The following TLL1 variants were observed in gnomAD, a reference collection of about 807,000 sequenced individuals.
TLL1 encodes the protein tolloid-like protein 1.
In TLL1, 49 loss-of-function variants were observed where a neutral mutation model predicts 128.2. The ratio of observed to expected loss-of-function variants is 0.38; its 90% CI spans 0.30 to 0.48. TLL1 has a LOEUF of 0.48. TLL1 is among the 20% of genes least tolerant of loss of function. TLL1 has a pLI of 0.96. For synonymous variants in TLL1, 454 were observed against 418.8 expected (o/e 1.08, Z -1.03); for missense variants, 1,123 against 1,242.0 (o/e 0.90, Z 1.44).
rs370095060 is a variant in TLL1 at position 166,093,392 on chromosome 4, G to A, written c.2656+2051G>A. Among the ~76,000 whole-genome samples the A allele has an allele frequency of 6.9e-4, 105 of 152,294 alleles. 5 individuals carry two copies. The South Asian group carries it at 0.021, about 30-fold the overall frequency. ...GGTACTATGCCTGGATGTGCACATA[G>A]GCCAGATTTATGTTTCTCTCCGCCC... On this transcript the variant is annotated intron_variant, in intron 19 of 20. Transcript: ENST00000061240.
intron 9 of TLL1, among the ~76,000 whole-genome samples, chr4:166,029,136 T>C (rs1379202993): frequency 6.6e-6 from 1 of 151,980 alleles, no homozygotes; most frequent in Admixed American, 6.6e-5. Flanking sequence ...TTCTCCCCCT[T>C]TGCCTTCTTA....
intron 9 of TLL1, among the ~76,000 whole-genome samples, chr4:166,028,671 GTT>G (rs1738618626): frequency 6.6e-6 from 1 of 151,816 alleles, no homozygotes; most frequent in Admixed American, 6.6e-5. Context: ...TTATACACAT[GTT>G]TACAACATTT....
In TLL1 at chr4:166,025,395, C is replaced by T. The variant is rs765142433; in HGVS notation, c.1122C>T (p.His374=). 9.3e-6 allele frequency: 15 copies of T among 1,613,808 alleles called. No homozygotes were observed. The Admixed American group carries it at 2.5e-4, about 27-fold the overall frequency. Residue 374 remains histidine, a synonymous_variant, in exon 9 of 21, where the codon CAC becomes CAT. Transcript: ENST00000061240. Reference sequence around the variant, plus strand: ...CCAATGGCTACCCTTCTTACACACACTGCATCTGGAGAGTTTCTGTGACCC... The same window carrying T: ...CCAATGGCTACCCTTCTTACACACATTGCATCTGGAGAGTTTCTGTGACCC... ...GFPNGYPSYT[H]CIWRVSVTPG... is the part of the protein sequence containing the mutation.
In TLL1 at chr4:165,967,395, T is replaced by C. The variant is rs138734502; in HGVS notation, c.170-21986T>C. Among the ~76,000 whole-genome samples the C allele has an allele frequency of 3.7e-3, 558 of 152,284 alleles. 8 individuals carry two copies. Among genetic ancestry groups the C allele is most frequent in the East Asian group, 0.022 (113 of 5,166 alleles). ...GCCTAGGAAATTATAAGAGCATTGATTGGGGAAGTGACAAATGTCCATGAA... is the reference window on the plus strand; with the variant it reads ...GCCTAGGAAATTATAAGAGCATTGACTGGGGAAGTGACAAATGTCCATGAA... On this transcript the variant is annotated intron_variant, in intron 1 of 20. Transcript: ENST00000061240.
At chr4:165,926,816 A>T (rs559150050) in intron 1 of TLL1, among the ~76,000 whole-genome samples, 3 of 152,290 alleles carry the variant, frequency 2.0e-5, no homozygotes, top group African/African-American at 7.2e-5. Context: ...ACTTTGCAGT[A>T]ATGGAAGTTC....
intron 1 of TLL1, among the ~76,000 whole-genome samples, chr4:165,876,102 T>C (rs2110800214): frequency 6.6e-6 from 1 of 152,260 alleles, no homozygotes; most frequent in South Asian, 2.1e-4. Flanking sequence ...CGCATGCATG[T>C]GTGTGTGTAA....
intron 11 of TLL1, 101 bp from the exon 12 acceptor site, chr4:166,043,173 C>G (rs1330241949): frequency 6.6e-7 from 1 of 1,506,024 alleles, no homozygotes; most frequent in African/African-American, 1.4e-5. Flanking sequence ...TCTTTATGTA[C>G]TGAGCTACAG....
chr4:166,005,725 C>T (rs888990906), intron 6 of TLL1, among the ~76,000 whole-genome samples: 4 of 149,624 alleles, frequency 2.7e-5, no homozygotes, highest in East Asian at 2.0e-4. Context: ...AAGAATTATT[C>T]GTGTTTTTTA....
chr4:165,874,370 G>A (rs1730630093), intron 1 of TLL1, among the ~76,000 whole-genome samples: 1 of 152,162 alleles, frequency 6.6e-6, no homozygotes, highest in African/African-American at 2.4e-5. Flanking sequence ...AACGAAACAA[G>A]TCGTAAATAT....
intron 13 of TLL1, among the ~76,000 whole-genome samples, chr4:166,055,666 C>G (rs1401945710): frequency 6.6e-6 from 1 of 152,098 alleles, no homozygotes; most frequent in Admixed American, 6.6e-5. Flanking sequence ...AGTATTCCCC[C>G]ACATTGAAAA....
intron 18 of TLL1, among the ~76,000 whole-genome samples, chr4:166,088,725 G>T (rs943418967): frequency 6.6e-6 from 1 of 152,080 alleles, no homozygotes; most frequent in Non-Finnish European, 1.5e-5. Flanking sequence ...GACTCAGTCT[G>T]ATTCCACCAG....
intron 1 of TLL1, among the ~76,000 whole-genome samples, chr4:165,878,785 A>C (rs934533794): frequency 2.0e-5 from 3 of 152,138 alleles, no homozygotes; most frequent in African/African-American, 7.2e-5. Context: ...GTAGGTGCCC[A>C]GTCAACCCTA....
Position 166,008,122 on chromosome 4 carries a change from A to G in TLL1, c.917+74A>G, listed in dbSNP as rs1480106464. 5.5e-6 allele frequency: 6 copies of G among 1,088,166 alleles called. No individual in the cohort carries two copies. In the Admixed American group the frequency reaches 1.0e-4, roughly 19 times the overall value. The allele number at this position is 1,088,166 out of a possible 1,614,324, so 67.4% of individuals were successfully genotyped here. On this transcript the variant is annotated intron_variant, in intron 7 of 20. Coordinates refer to ENST00000061240, the MANE Select transcript of TLL1 (RefSeq NM_012464.5). ...GTGGCTCCTCACAAAGCTATGCCTG[A>G]CATTAGAACTAGAATTACTTTCAAA...
intron 8 of TLL1, among the ~76,000 whole-genome samples, chr4:166,018,406 A>G (rs1560814759): frequency 6.6e-6 from 1 of 152,164 alleles, no homozygotes; most frequent in African/African-American, 2.4e-5. Flanking sequence ...GAAATAATTT[A>G]TGACTAAGTC....
chr4:165,913,175 G>A (rs1211508303), intron 1 of TLL1, among the ~76,000 whole-genome samples: 2 of 152,084 alleles, frequency 1.3e-5, no homozygotes, highest in East Asian at 3.9e-4. Flanking sequence ...ATGATAGTTT[G>A]TTATAATTAA....
intron 19 of TLL1, among the ~76,000 whole-genome samples, chr4:166,091,703 A>G (rs1380730412): frequency 6.6e-6 from 1 of 152,114 alleles, no homozygotes; most frequent in Non-Finnish European, 1.5e-5. Context: ...ATGGCTTGTT[A>G]TTAAAAATGT....
intron 12 of TLL1, among the ~76,000 whole-genome samples, chr4:166,046,235 T>C (rs187426201): frequency 9.3e-4 from 141 of 152,298 alleles, no homozygotes; most frequent in African/African-American, 3.1e-3. Flanking sequence ...AATGAATATA[T>C]CCTTTATTAA....
chr4:166,065,717 GT>G lies in TLL1; in HGVS notation c.2043del (p.Leu682PhefsTer19). The G allele has an allele frequency of 6.2e-7, 1 of 1,611,032 alleles. No individual in the cohort carries two copies. Among genetic ancestry groups the G allele is most frequent in the Non-Finnish European group, 8.5e-7 (1 of 1,178,688 alleles). ...TATGATTATGTGGAGATCTGGAGTG[GT>G]CTTTCCTCTGAGTCTAAACTGCATG... The part of the protein sequence containing the change: ...CKYDYVEIWS[G>X]LSSESKLHGK... On this transcript the variant is annotated frameshift_variant, in exon 16 of 21. Coordinates refer to ENST00000061240, the MANE Select transcript of TLL1 (RefSeq NM_012464.5). LOFTEE classifies it high-confidence loss of function.
chr4:165,888,625 T>C (rs954916535), intron 1 of TLL1, among the ~76,000 whole-genome samples: 1 of 152,132 alleles, frequency 6.6e-6, no homozygotes, highest in Non-Finnish European at 1.5e-5. Flanking sequence ...TGTATTAGGC[T>C]TCTGTCATAA....
Sources: gnomAD v4.1 joint callset for allele counts (sites outside exome capture counted in the v4.1 genomes callset) on GRCh38, gnomAD v4.1.1 for gene constraint, MANE v1.5 for transcripts, NCBI Gene and HGNC (gene_info 2026-07-23, HGNC 2026-07-21) for gene names.